Variants in MACROD2 observed in about 807,000 individuals in gnomAD.
MACROD2 encodes the protein ADP-ribose glycohydrolase MACROD2.
Under a neutral mutation model 70.4 loss-of-function variants are expected in MACROD2, and 36 were observed. The observed-to-expected ratio is 0.51, with a 90% CI of 0.39 to 0.68. The LOEUF (loss-of-function observed/expected upper bound fraction) is 0.68, where lower values mean the gene tolerates loss of function less well. Among genes scored for constraint, MACROD2 ranks in the 30% least tolerant of loss-of-function variants. The pLI is 0.00. For missense variants in MACROD2, 496 were observed against 538.4 expected, an observed-to-expected ratio of 0.92 and a Z score of 0.78; for synonymous variants, 172 against 178.8, an observed-to-expected ratio of 0.96 and a Z score of 0.30.
At chr20:14,877,145 T>C (rs2073560128) in intron 5 of MACROD2, among the ~76,000 whole-genome samples, 1 of 152,164 alleles carries the variant, frequency 6.6e-6, no homozygotes, top group South Asian at 2.1e-4. Flanking sequence ...CAGGCTTTTG[T>C]AGTTCTCCTT....
At chr20:15,079,130 G>T (rs1315875891) in intron 5 of MACROD2, among the ~76,000 whole-genome samples, 2 of 151,968 alleles carry the variant, frequency 1.3e-5, no homozygotes, top group African/African-American at 4.8e-5. Flanking sequence ...CTTCTAGAAA[G>T]AAAAAAAGAA....
chr20:15,356,465 C>T (rs1385512956), intron 6 of MACROD2, among the ~76,000 whole-genome samples: 2 of 151,974 alleles, frequency 1.3e-5, no homozygotes, highest in Non-Finnish European at 2.9e-5. Flanking sequence ...GATAAAAATA[C>T]CAGGCATATT....
chr20:14,062,858 A>G (rs985610634), intron 2 of MACROD2, among the ~76,000 whole-genome samples: 1 of 152,172 alleles, frequency 6.6e-6, no homozygotes, highest in Non-Finnish European at 1.5e-5. Context: ...ATTTGGATAA[A>G]CAAGGACCTT....
At chr20:14,981,432 G>GTATATATATATATATATA (rs747438726) in intron 5 of MACROD2, among the ~76,000 whole-genome samples, 12 of 141,452 alleles carry the variant, frequency 8.5e-5, no homozygotes, top group African/African-American at 2.6e-4. Flanking sequence ...ATATGTATAT[G>GTATATATATATATATATA]TATATATATA....
intron 5 of MACROD2, among the ~76,000 whole-genome samples, chr20:15,196,546 A>G (rs551197052): frequency 2.6e-5 from 4 of 152,292 alleles, no homozygotes; most frequent in South Asian, 4.1e-4. Flanking sequence ...AATAATTTAC[A>G]TCTCTACTGG....
At chr20:14,897,350 A>G (rs1001312403) in intron 5 of MACROD2, among the ~76,000 whole-genome samples, 10 of 152,132 alleles carry the variant, frequency 6.6e-5, no homozygotes, top group Non-Finnish European at 1.0e-4. Context: ...TTTAAAAAAA[A>G]TTTCCTGTCA....
intron 15 of MACROD2, among the ~76,000 whole-genome samples, chr20:16,017,200 A>G (rs1044450752): frequency 2.0e-5 from 3 of 152,198 alleles, no homozygotes; most frequent in Admixed American, 6.5e-5. Context: ...TTGTCTTCAA[A>G]CAGTATAAGC....
chr20:14,780,337 C>A (rs1281162909), intron 5 of MACROD2, among the ~76,000 whole-genome samples: 1 of 152,104 alleles, frequency 6.6e-6, no homozygotes, highest in South Asian at 2.1e-4. Flanking sequence ...CCGAGGCAGG[C>A]GGATCACCTG....
chr20:15,787,641 A>AT (rs1223410367), intron 8 of MACROD2, among the ~76,000 whole-genome samples: 1 of 152,058 alleles, frequency 6.6e-6, no homozygotes, highest in African/African-American at 2.4e-5. Flanking sequence ...TGATTTTGAT[A>AT]TTTTTTTATG....
chr20:15,432,963 A>G (rs1010035816), intron 7 of MACROD2, among the ~76,000 whole-genome samples: 2 of 152,056 alleles, frequency 1.3e-5, no homozygotes, highest in African/African-American at 4.8e-5. Flanking sequence ...CAATATGATC[A>G]TGTCAATAGA....
At chr20:15,251,865 A>C (rs1016482091) in intron 6 of MACROD2, among the ~76,000 whole-genome samples, 5 of 152,188 alleles carry the variant, frequency 3.3e-5, no homozygotes, top group African/African-American at 1.2e-4. Context: ...AATGTTTCTG[A>C]ATTGCTACTG....
At chr20:15,219,430 T>C (rs1323741677) in intron 5 of MACROD2, among the ~76,000 whole-genome samples, 1 of 152,232 alleles carries the variant, frequency 6.6e-6, no homozygotes, top group Non-Finnish European at 1.5e-5. Context: ...ATTGCCCTTA[T>C]TATTTAAATA....
intron 6 of MACROD2, among the ~76,000 whole-genome samples, chr20:15,280,319 T>A (rs543649348): frequency 2.0e-5 from 3 of 152,140 alleles, no homozygotes; most frequent in African/African-American, 7.2e-5. Flanking sequence ...CAAACTTTTT[T>A]TTTTATTTTA....
chr20:14,512,700 C>T (rs1169059599), intron 4 of MACROD2, among the ~76,000 whole-genome samples: 1 of 152,050 alleles, frequency 6.6e-6, no homozygotes, highest in Non-Finnish European at 1.5e-5. Flanking sequence ...AGAGGAGATG[C>T]TCTTGTTGGA....
rs183426552 is a variant in MACROD2 at position 15,834,795 on chromosome 20, G to C, written c.646-27950G>C. Among the ~76,000 whole-genome samples, 441 of 152,202 alleles carry C rather than the reference G, an allele frequency of 2.9e-3. 2 individuals carry two copies. The highest frequency in any genetic ancestry group is 9.9e-3 in the African/African-American group (413 of 41,522). On this transcript the variant is annotated intron_variant, in intron 8 of 17. Coordinates refer to ENST00000684519, the MANE Select transcript of MACROD2 (RefSeq NM_001351661.2). ...TTGTAAAAAATGTTTATTTTTGTTAGTTAAACATTTTGTGGTAGCCAGCCT... is the reference window on the plus strand; with the variant it reads ...TTGTAAAAAATGTTTATTTTTGTTACTTAAACATTTTGTGGTAGCCAGCCT...
At chr20:14,175,001 A>G (rs769986632) in intron 3 of MACROD2, among the ~76,000 whole-genome samples, 13 of 152,086 alleles carry the variant, frequency 8.5e-5, no homozygotes, top group Middle Eastern at 3.4e-3. Flanking sequence ...CCCCTTTCAC[A>G]CTTTCACACT....
rs374842151 is a variant in MACROD2 at position 15,584,252 on chromosome 20, T to C, written c.645+84405T>C. ...AGGTTTACATGTATTTTTTAAAAGTTCTACAGTCTATTCTTACAGAAGCAA... is the reference window on the plus strand; with the variant it reads ...AGGTTTACATGTATTTTTTAAAAGTCCTACAGTCTATTCTTACAGAAGCAA... On this transcript the variant is annotated intron_variant, in intron 8 of 17. Transcript: ENST00000684519. Among the ~76,000 whole-genome samples the C allele has an allele frequency of 3.3e-5, 5 of 152,346 alleles. 1 individual carries two copies. Among genetic ancestry groups the C allele is most frequent in the East Asian group, 1.9e-4 (1 of 5,188 alleles).
chr20:14,861,393 C>CT (rs951239148), intron 5 of MACROD2, among the ~76,000 whole-genome samples: 1 of 151,876 alleles, frequency 6.6e-6, no homozygotes, highest in Non-Finnish European at 1.5e-5. Context: ...GACGTAATGA[C>CT]TTTTTTTTGT....
chr20:15,570,639 C>T lies in MACROD2; in HGVS notation c.645+70792C>T, dbSNP rs558618476. Among the ~76,000 whole-genome samples the T allele has an allele frequency of 2.0e-5, 3 of 152,284 alleles. No homozygotes were observed. In the East Asian group the frequency reaches 5.8e-4, roughly 29 times the overall value. On this transcript the variant is annotated intron_variant, in intron 8 of 17. Coordinates refer to ENST00000684519, the MANE Select transcript of MACROD2 (RefSeq NM_001351661.2). ...TTTCTTTCACTATTGTGTTGTTCTCCATGCTGGCTTTATGTTGAGCCACTA... is the reference window on the plus strand; with the variant it reads ...TTTCTTTCACTATTGTGTTGTTCTCTATGCTGGCTTTATGTTGAGCCACTA...
Sources: gnomAD v4.1 joint callset for allele counts (sites outside exome capture counted in the v4.1 genomes callset) on GRCh38, gnomAD v4.1.1 for gene constraint, MANE v1.5 for transcripts, NCBI Gene and HGNC (gene_info 2026-07-23, HGNC 2026-07-21) for gene names.